NIPAL2: variants seen among roughly 807,000 people sequenced by gnomAD.
NIPAL2 encodes NIPA-like protein 2.
NIPAL2 carries 43 observed loss-of-function variants against 48.9 expected under a neutral mutation model. The ratio of observed to expected loss-of-function variants is 0.88; its 90% CI spans 0.69 to 1.13. The LOEUF (loss-of-function observed/expected upper bound fraction) is 1.13. NIPAL2 is among the 50% of genes most tolerant of loss of function. The probability of loss-of-function intolerance (pLI) is 0.00; values close to 1 mark genes in which losing one functional copy is unlikely to be tolerated. For missense variants in NIPAL2, 446 were observed against 461.4 expected, an observed-to-expected ratio of 0.97 and a Z score of 0.31; for synonymous variants, 167 against 174.6, an observed-to-expected ratio of 0.96 and a Z score of 0.34.
intron 4 of NIPAL2, chr8:98,231,771 C>A (rs552866353): frequency 6.6e-6 from 1 of 152,284 alleles, no homozygotes; most frequent in African/African-American, 2.4e-5. Context: ...CACAGAGTAA[C>A]ATTTGGCAAT....
At chr8:98,212,340 T>G (rs1024656031) in intron 6 of NIPAL2, 65 bp downstream of exon 6, 22 of 876,992 alleles carry the variant, frequency 2.5e-5, no homozygotes, top group Non-Finnish European at 1.9e-6. Flanking sequence ...AGTATTTTCC[T>G]TCAAACCTCA....
chr8:98,193,158 C>A (rs906033329), intron 10 of NIPAL2, 68 bp from the exon 11 acceptor site: 1 of 1,316,396 alleles, frequency 7.6e-7, no homozygotes, highest in Non-Finnish European at 1.1e-6. Context: ...ATAATTTCTC[C>A]TCAATCTAGG....
chr8:98,292,146 T>G (rs1816520010), intron 1 of NIPAL2, among the ~76,000 whole-genome samples: 1 of 152,204 alleles, frequency 6.6e-6, no homozygotes, highest in Non-Finnish European at 1.5e-5. Context: ...CAACCAACAT[T>G]CATTTTGATT....
chr8:98,269,449 A>G (rs944235512), intron 1 of NIPAL2, among the ~76,000 whole-genome samples: 4 of 152,212 alleles, frequency 2.6e-5, no homozygotes, highest in Non-Finnish European at 4.4e-5. Flanking sequence ...GTACATCTCC[A>G]TAAGAGCTCT....
intron 4 of NIPAL2, among the ~76,000 whole-genome samples, chr8:98,232,997 T>C (rs1812515314): frequency 6.6e-6 from 1 of 152,196 alleles, no homozygotes; most frequent in Non-Finnish European, 1.5e-5. Flanking sequence ...TGATAGCTCA[T>C]GCCTGTAATC....
chr8:98,288,924 G>A (rs1031758814), intron 1 of NIPAL2, among the ~76,000 whole-genome samples: 6 of 152,202 alleles, frequency 3.9e-5, no homozygotes, highest in Non-Finnish European at 7.4e-5. Context: ...CAGAGGAATC[G>A]CTGGCCTGAC....
intron 3 of NIPAL2, among the ~76,000 whole-genome samples, chr8:98,243,402 T>G (rs527867932): frequency 1.3e-5 from 2 of 152,274 alleles, no homozygotes; most frequent in South Asian, 4.2e-4. Context: ...TTCCAAACCA[T>G]GTCTAGATGT....
At chr8:98,292,867 T>A (rs1418487941) in intron 1 of NIPAL2, among the ~76,000 whole-genome samples, 1 of 152,050 alleles carries the variant, frequency 6.6e-6, no homozygotes, top group East Asian at 1.9e-4. Flanking sequence ...TTCCTGTGGG[T>A]AGAAGAAAGG....
intron 1 of NIPAL2, among the ~76,000 whole-genome samples, chr8:98,266,905 G>T (rs1208615643): frequency 2.0e-5 from 3 of 151,950 alleles, no homozygotes; most frequent in South Asian, 2.1e-4. Flanking sequence ...ATACTAAGAG[G>T]TAATAATAAA....
chr8:98,282,336 G>T lies in NIPAL2; in HGVS notation c.135+11667C>A, dbSNP rs113636467. Reference sequence around the variant, plus strand: ...ACACAAAGAACTCAAAGAACACAAAGATACAAACTAGAGAAGGATAAGTCC... The same window carrying T: ...ACACAAAGAACTCAAAGAACACAAATATACAAACTAGAGAAGGATAAGTCC... On this transcript the variant is annotated intron_variant, in intron 1 of 10. Coordinates refer to ENST00000430223, the MANE Select transcript of NIPAL2 (RefSeq NM_001321635.2). Among the ~76,000 whole-genome samples the T allele has an allele frequency of 5.9e-3, 898 of 152,216 alleles. 6 individuals are homozygous for T. Among genetic ancestry groups the T allele is most frequent in the African/African-American group, 0.021 (864 of 41,540 alleles).
chr8:98,244,481 A>G (rs1333558921), intron 3 of NIPAL2, among the ~76,000 whole-genome samples: 16 of 72,288 alleles, frequency 2.2e-4, no homozygotes, highest in Middle Eastern at 7.7e-3. Context: ...GGCTGTAATG[A>G]TGAGGGGGTG....
intron 8 of NIPAL2, among the ~76,000 whole-genome samples, chr8:98,198,359 AT>A (rs1810650389): frequency 1.3e-5 from 2 of 152,236 alleles, no homozygotes; most frequent in African/African-American, 4.8e-5. Flanking sequence ...TAGATTTAGC[AT>A]AATTCTTAAG....
intron 5 of NIPAL2, chr8:98,217,291 G>A (rs1811624375): frequency 8.1e-6 from 8 of 985,194 alleles, no homozygotes; most frequent in Admixed American, 6.2e-5. Flanking sequence ...ATCTGTCTGG[G>A]GCACGCAAAC....
intron 6 of NIPAL2, among the ~76,000 whole-genome samples, chr8:98,209,445 CAAAAAAAAAAAA>C (rs33923448): frequency 1.4e-5 from 1 of 70,512 alleles, no homozygotes; most frequent in Non-Finnish European, 2.5e-5. Context: ...CCTGTCTCTC[CAAAAAAAAAAAA>C]AAAAAAAAAA....
At chr8:98,229,209 G>A (rs1163443646) in intron 4 of NIPAL2, among the ~76,000 whole-genome samples, 1 of 152,086 alleles carries the variant, frequency 6.6e-6, no homozygotes, top group Non-Finnish European at 1.5e-5. Flanking sequence ...GTCTATAATC[G>A]TCTGGTGGGA....
At chr8:98,234,438 G>A (rs968561009) in intron 4 of NIPAL2, among the ~76,000 whole-genome samples, 1 of 152,020 alleles carries the variant, frequency 6.6e-6, no homozygotes, top group African/African-American at 2.4e-5. Context: ...AACTATAAAA[G>A]GTGACAGATA....
intron 3 of NIPAL2, among the ~76,000 whole-genome samples, chr8:98,243,073 G>A (rs1813084827): frequency 6.6e-6 from 1 of 152,176 alleles, no homozygotes; most frequent in Non-Finnish European, 1.5e-5. Context: ...GAAAGGACAT[G>A]CAACCTTCTT....
At chr8:98,206,575 A>G (rs984422579) in intron 6 of NIPAL2, among the ~76,000 whole-genome samples, 17 of 152,046 alleles carry the variant, frequency 1.1e-4, no homozygotes, top group Non-Finnish European at 2.4e-4. Context: ...TCATGAGGTC[A>G]GGAGATCGAG....
chr8:98,234,549 A>AT (rs1359515896), intron 4 of NIPAL2, among the ~76,000 whole-genome samples: 2 of 150,866 alleles, frequency 1.3e-5, no homozygotes, highest in Admixed American at 6.6e-5. Context: ...GGTATTGGTC[A>AT]TTTTTTTTTC....
Sources: gnomAD v4.1 joint callset for allele counts (sites outside exome capture counted in the v4.1 genomes callset) on GRCh38, gnomAD v4.1.1 for gene constraint, MANE v1.5 for transcripts, NCBI Gene and HGNC (gene_info 2026-07-23, HGNC 2026-07-21) for gene names.